MTUS2: variants seen among roughly 807,000 people sequenced by gnomAD.
MTUS2 encodes the protein microtubule associated scaffold protein 2.
MTUS2 carries 40 observed loss-of-function variants against 114.1 expected under a neutral mutation model. That is an observed-to-expected ratio of 0.35 (90% confidence interval 0.27 to 0.46). The LOEUF (loss-of-function observed/expected upper bound fraction) is 0.46. MTUS2 is among the 20% of genes least tolerant of loss of function. MTUS2 has a pLI of 1.00. For synonymous variants in MTUS2, 688 were observed against 672.0 expected, an observed-to-expected ratio of 1.02 and a Z score of -0.37; for missense variants, 1,679 against 1,705.4, an observed-to-expected ratio of 0.98 and a Z score of 0.27.
intron 2 of MTUS2, among the ~76,000 whole-genome samples, chr13:28,883,937 T>TG: frequency 6.6e-6 from 1 of 152,092 alleles, no homozygotes; most frequent in East Asian, 1.9e-4. Context: ...GTGCATTGGC[T>TG]GGGGGGAATG....
chr13:29,079,751 A>G (rs1716617545), intron 4 of MTUS2, among the ~76,000 whole-genome samples: 2 of 152,204 alleles, frequency 1.3e-5, no homozygotes, highest in Admixed American at 6.5e-5. Flanking sequence ...CTACTTAGCT[A>G]TATGTCTATC....
At chr13:29,415,276 A>G (rs1316314994) in intron 8 of MTUS2, among the ~76,000 whole-genome samples, 1 of 152,186 alleles carries the variant, frequency 6.6e-6, no homozygotes, top group East Asian at 1.9e-4. Flanking sequence ...TATAAAGTTC[A>G]ATATATAGCT....
At chr13:29,032,889 C>T (rs964075011) in intron 3 of MTUS2, among the ~76,000 whole-genome samples, 4 of 152,156 alleles carry the variant, frequency 2.6e-5, no homozygotes, top group African/African-American at 9.7e-5. Flanking sequence ...ATGCATGGCC[C>T]TTAGCACTAT....
chr13:28,831,489 G>A (rs1037752946), intron 1 of MTUS2, among the ~76,000 whole-genome samples: 1 of 152,132 alleles, frequency 6.6e-6, no homozygotes, highest in East Asian at 1.9e-4. Context: ...AGGAGAGCTG[G>A]AATGGCTATA....
At chr13:29,192,278 C>T (rs1232610439) in intron 5 of MTUS2, among the ~76,000 whole-genome samples, 1 of 152,128 alleles carries the variant, frequency 6.6e-6, no homozygotes, top group Non-Finnish European at 1.5e-5. Flanking sequence ...AGGTATGTGA[C>T]TCTGTTCAAA....
intron 8 of MTUS2, among the ~76,000 whole-genome samples, chr13:29,369,383 C>T (rs116927272): frequency 0.015 from 2,261 of 152,276 alleles, 24 homozygotes; most frequent in Non-Finnish European, 0.019. Flanking sequence ...ACCTTAAATT[C>T]CAGAGAGTTT....
intron 8 of MTUS2, among the ~76,000 whole-genome samples, chr13:29,391,254 T>C (rs2138438365): frequency 6.6e-6 from 1 of 152,272 alleles, no homozygotes; most frequent in African/African-American, 2.4e-5. Context: ...CACACTCAGC[T>C]AATTTTTGTA....
At chr13:28,961,170 C>T (rs1048680531) in intron 2 of MTUS2, among the ~76,000 whole-genome samples, 4 of 151,956 alleles carry the variant, frequency 2.6e-5, no homozygotes, top group African/African-American at 9.7e-5. Flanking sequence ...TCATCAGAAT[C>T]CTGGAAAATG....
chr13:29,028,155 A>C (rs993851544), intron 3 of MTUS2, among the ~76,000 whole-genome samples: 1 of 147,380 alleles, frequency 6.8e-6, no homozygotes, highest in Non-Finnish European at 1.5e-5. Context: ...GATCGAGACC[A>C]TCCTGGCCAA....
intron 5 of MTUS2, chr13:29,240,109 G>A (rs1306157650): frequency 6.6e-6 from 1 of 152,148 alleles, no homozygotes; most frequent in African/African-American, 2.4e-5. Context: ...ACCTCTTCAG[G>A]TTTTGATTGC....
chr13:29,391,960 C>T (rs1015251311), intron 8 of MTUS2, among the ~76,000 whole-genome samples: 1 of 151,590 alleles, frequency 6.6e-6, no homozygotes, highest in Admixed American at 6.6e-5. Context: ...CATGGTGAAA[C>T]CTGTCTCTAC....
At chr13:29,376,811 A>C (rs3121746) in intron 8 of MTUS2, among the ~76,000 whole-genome samples, 23,594 of 152,070 alleles carry the variant, frequency 0.16, 2,625 homozygotes, top group African/African-American at 0.32. Context: ...ATTAAAAGAT[A>C]AAGATTGTCA....
chr13:29,133,831 C>G (rs568248903), intron 5 of MTUS2, among the ~76,000 whole-genome samples: 1 of 152,254 alleles, frequency 6.6e-6, no homozygotes, highest in African/African-American at 2.4e-5. Flanking sequence ...TACAAAGAAA[C>G]AGCTTTTGGT....
chr13:29,446,537 A>C (rs1878295630), intron 9 of MTUS2, among the ~76,000 whole-genome samples: 1 of 152,172 alleles, frequency 6.6e-6, no homozygotes, highest in South Asian at 2.1e-4. Flanking sequence ...CTTTTCTTTG[A>C]GCATTTGGAT....
chr13:28,969,063 A>T (rs60094246), intron 2 of MTUS2, among the ~76,000 whole-genome samples: 1 of 152,242 alleles, frequency 6.6e-6, no homozygotes, highest in African/African-American at 2.4e-5. Context: ...TTATTTAGAG[A>T]TGGGATCTTG....
In MTUS2 at chr13:29,441,520, C is replaced by T. The variant is rs78796766; in HGVS notation, c.3184+1471C>T. 6.5e-3 allele frequency among the ~76,000 whole-genome samples: 981 copies of T among 150,054 alleles called. 14 individuals carry two copies. Among genetic ancestry groups the T allele is most frequent in the African/African-American group, 0.023 (929 of 40,898 alleles). On this transcript the variant is annotated intron_variant, in intron 9 of 15. Coordinates refer to ENST00000612955, the MANE Select transcript of MTUS2 (RefSeq NM_001033602.4). ...ATTGCCAAGGCCTCCATGATTGAAG[C>T]CTCTGTGTCCCCATCTGTTTCTTCA... is the stretch of plus-strand genomic sequence containing the variant.
chr13:29,306,580 A>G (rs1899471192), intron 6 of MTUS2, among the ~76,000 whole-genome samples: 1 of 152,244 alleles, frequency 6.6e-6, no homozygotes, highest in Admixed American at 6.5e-5. Flanking sequence ...ACAGCCAACA[A>G]GGCGAATGAA....
Position 29,503,321 on chromosome 13 carries a change from A to C in MTUS2, c.*115A>C. Reference sequence around the variant, plus strand: ...CTGTGCGCATGCTCAGTAGCTGCGAATGCATCCTAGGCGCGTCCTCCTCTG... The same window carrying C: ...CTGTGCGCATGCTCAGTAGCTGCGACTGCATCCTAGGCGCGTCCTCCTCTG... On this transcript the variant is annotated 3_prime_UTR_variant, in exon 16 of 16. Transcript: ENST00000612955. The C allele has an allele frequency of 8.4e-7, 1 of 1,189,222 alleles. No homozygotes were observed. Among genetic ancestry groups the C allele is most frequent in the Non-Finnish European group, 1.2e-6 (1 of 836,144 alleles). 73.7% of individuals were successfully genotyped at this position (1,189,222 alleles called of 1,614,324 possible). A position where few individuals can be genotyped will look rare whatever the true frequency, so the allele number is the denominator to read the frequency against.
At chr13:29,098,836 A>G (rs191800465) in intron 4 of MTUS2, among the ~76,000 whole-genome samples, 14 of 152,274 alleles carry the variant, frequency 9.2e-5, no homozygotes, top group African/African-American at 2.9e-4. Flanking sequence ...CTTCCAAAAT[A>G]TAGTTTGTTT....
Sources: gnomAD v4.1 joint callset for allele counts (sites outside exome capture counted in the v4.1 genomes callset) on GRCh38, gnomAD v4.1.1 for gene constraint, MANE v1.5 for transcripts, NCBI Gene and HGNC (gene_info 2026-07-23, HGNC 2026-07-21) for gene names.